Variants in URB1 observed in about 807,000 individuals in gnomAD.
The protein encoded by URB1 is URB1 ribosome biogenesis factor, also known as nucleolar pre-ribosomal-associated protein 1.
URB1 carries 197 observed loss-of-function variants against 242.3 expected under a neutral mutation model. That is an observed-to-expected ratio of 0.81 (90% CI 0.72 to 0.91). URB1 has a LOEUF of 0.91. Ranked by LOEUF, URB1 falls within the 40% of genes least tolerant of loss-of-function variation. The probability of loss-of-function intolerance (pLI) is 0.00; values close to 1 mark genes in which losing one functional copy is unlikely to be tolerated. For missense variants in URB1, 2,721 were observed against 2,860.5 expected (o/e 0.95, Z 1.11); for synonymous variants, 1,153 against 1,201.8 (o/e 0.96, Z 0.84).
chr21:32,349,713 G>A (rs1443280952), intron 20 of URB1, among the ~76,000 whole-genome samples: 1 of 152,222 alleles, frequency 6.6e-6, no homozygotes, highest in Non-Finnish European at 1.5e-5. Flanking sequence ...TAAACTGAAA[G>A]GGACAGGCCC....
intron 19 of URB1, among the ~76,000 whole-genome samples, chr21:32,351,499 A>C (rs1306093872): frequency 6.6e-6 from 1 of 152,112 alleles, no homozygotes; most frequent in African/African-American, 2.4e-5. Flanking sequence ...TGACTTCCTT[A>C]GGCTAATAAA....
intron 2 of URB1, among the ~76,000 whole-genome samples, chr21:32,384,755 G>A (rs1023055553): frequency 2.0e-5 from 3 of 152,228 alleles, no homozygotes; most frequent in Non-Finnish European, 4.4e-5. Flanking sequence ...GCTGAGGTGG[G>A]CAGATCACGA....
chr21:32,341,652 A>C, intron 24 of URB1, 128 bp from the exon 25 acceptor site: 2 of 789,802 alleles, frequency 2.5e-6, no homozygotes, highest in African/African-American at 1.7e-5. Flanking sequence ...TGTAAAACCC[A>C]TGATCAAAGG....
intron 10 of URB1, among the ~76,000 whole-genome samples, chr21:32,363,669 A>G (rs376222884): frequency 5.0e-4 from 75 of 149,004 alleles, no homozygotes; most frequent in African/African-American, 1.8e-3. Flanking sequence ...CTCTGCCACT[A>G]TTTTTTTTTT....
chr21:32,379,432 A>G (rs1441466721), intron 4 of URB1, among the ~76,000 whole-genome samples: 1 of 152,242 alleles, frequency 6.6e-6, no homozygotes, highest in Non-Finnish European at 1.5e-5. Flanking sequence ...TATCACAACA[A>G]GTCACTGCCC....
chr21:32,334,732 T>C (rs2123562337), intron 28 of URB1, among the ~76,000 whole-genome samples: 1 of 152,318 alleles, frequency 6.6e-6, no homozygotes. Context: ...AGATGGTATG[T>C]TGCAGGGCTG....
chr21:32,326,934 T>C (rs1601123609), intron 30 of URB1, among the ~76,000 whole-genome samples: 1 of 151,852 alleles, frequency 6.6e-6, no homozygotes, highest in Admixed American at 6.6e-5. Context: ...AAGACAGCAA[T>C]AGAAACTATC....
intron 15 of URB1, among the ~76,000 whole-genome samples, chr21:32,355,800 A>C (rs933009693): frequency 6.6e-6 from 1 of 152,034 alleles, no homozygotes; most frequent in Non-Finnish European, 1.5e-5. Context: ...TAGCAGAGAC[A>C]AAGTTTTGCC....
At chr21:32,365,725 G>A (rs568666320) in intron 10 of URB1, among the ~76,000 whole-genome samples, 20 of 152,270 alleles carry the variant, frequency 1.3e-4, no homozygotes, top group African/African-American at 4.8e-4. Context: ...AACCCTGGAG[G>A]GGTATCAAAA....
chr21:32,331,195 C>G (rs2032889273), intron 30 of URB1, among the ~76,000 whole-genome samples: 1 of 152,078 alleles, frequency 6.6e-6, no homozygotes, highest in African/African-American at 2.4e-5. Flanking sequence ...CCAGCACACC[C>G]CACTGGAATC....
At chr21:32,334,989 C>T (rs940383531) in intron 28 of URB1, among the ~76,000 whole-genome samples, 2 of 152,118 alleles carry the variant, frequency 1.3e-5, no homozygotes, top group Admixed American at 6.5e-5. Context: ...CCCAACTCTC[C>T]TCCTCCCTCC....
At chr21:32,322,022 T>A in intron 33 of URB1, 78 bp from the exon 34 acceptor site, 1 of 1,497,568 alleles carries the variant, frequency 6.7e-7, no homozygotes, top group Non-Finnish European at 9.0e-7. Context: ...ACACCACTAT[T>A]TTAAGTGGTG....
At chr21:32,343,501 C>T (rs1181286011) in intron 24 of URB1, among the ~76,000 whole-genome samples, 1 of 152,180 alleles carries the variant, frequency 6.6e-6, no homozygotes, top group African/African-American at 2.4e-5. Flanking sequence ...TTACAGAAAT[C>T]AAAAGAGTGG....
rs940243237 is a variant in URB1, at chr21:32,319,283, T to C, written c.5726A>G (p.Lys1909Arg). Residue 1909 changes from lysine (K) to arginine (R), a missense_variant, in exon 36 of 39, where the codon AAG becomes AGG. Lys to Arg is a conservative substitution (Grantham distance 26). Transcript: ENST00000382751. ...ATTGACCAGGTGCAGGGCAAGCCGC[T>C]TGGCAGGCTCCTGGGAGCTAGGCTG... ...LCQPSSQEPA[K>R]RLALHLVNEF... 4 of 1,551,086 alleles carry C rather than the reference T, an allele frequency of 2.6e-6. No homozygotes were observed. In the Admixed American group the frequency reaches 5.9e-5, roughly 23 times the overall value.
At chr21:32,374,440 C>T (rs190963825) in intron 6 of URB1, among the ~76,000 whole-genome samples, 5 of 152,270 alleles carry the variant, frequency 3.3e-5, no homozygotes, top group Admixed American at 1.3e-4. Context: ...CCATACGTCA[C>T]GGTCCATGAA....
intron 27 of URB1, 40 bp from the exon 28 acceptor site, chr21:32,337,197 C>A: frequency 6.5e-7 from 1 of 1,545,786 alleles, no homozygotes; most frequent in Non-Finnish European, 8.8e-7. Context: ...AGATGAACCC[C>A]TGACACCCTC....
At chr21:32,315,369 A>G (rs1444260821) in intron 38 of URB1, among the ~76,000 whole-genome samples, 2 of 151,236 alleles carry the variant, frequency 1.3e-5, no homozygotes, top group Non-Finnish European at 2.9e-5. Context: ...ACTGGAGTGC[A>G]GTAGTGTGAT....
At chr21:32,372,719 G>A in intron 7 of URB1, 88 bp from the exon 8 acceptor site, 1 of 1,378,296 alleles carries the variant, frequency 7.3e-7, no homozygotes, top group Non-Finnish European at 9.6e-7. Context: ...AATATTAACT[G>A]CCGATGACAA....
At chr21:32,323,969 AC>A (rs1316813989) in intron 32 of URB1, among the ~76,000 whole-genome samples, 1 of 152,102 alleles carries the variant, frequency 6.6e-6, no homozygotes, top group Non-Finnish European at 1.5e-5. Context: ...TCTCCAAAAA[AC>A]AAAAAAAGTG....
Sources: gnomAD v4.1 joint callset for allele counts (sites outside exome capture counted in the v4.1 genomes callset) on GRCh38, gnomAD v4.1.1 for gene constraint, MANE v1.5 for transcripts, NCBI Gene and HGNC (gene_info 2026-07-23, HGNC 2026-07-21) for gene names.